DCHS2: variants seen among roughly 807,000 people sequenced by gnomAD.
DCHS2 encodes the protein protocadherin-23.
Under a neutral mutation model 182.4 loss-of-function variants are expected in DCHS2, and 142 were observed. The observed-to-expected ratio is 0.78, with a 90% CI of 0.68 to 0.89. The LOEUF is 0.89. DCHS2 is among the 40% of genes least tolerant of loss of function. DCHS2 has a pLI of 0.00. For missense variants in DCHS2, 4,319 were observed against 4,198.6 expected (o/e 1.03, Z -0.79); for synonymous variants, 1,740 against 1,663.3 (o/e 1.05, Z -1.12).
At position 154,232,241 on chromosome 4, in the gene DCHS2, C is replaced by T. The variant is rs1389739725; in HGVS notation, c.*2295G>A. ...TATTGTTTACTTAGGAAAAAAAGCA[C>T]TCTAGTTGAAAGAGCTGACATACGA... is the stretch of plus-strand genomic sequence containing the variant. On this transcript the variant is annotated 3_prime_UTR_variant, in exon 20 of 20. Coordinates refer to ENST00000357232, the MANE Select transcript of DCHS2 (RefSeq NM_001358235.2). 6.6e-6 allele frequency: 1 copy of T among 152,122 alleles called. No homozygotes were observed. 9.4% of individuals were successfully genotyped at this position (152,122 alleles called of 1,614,324 possible).
In DCHS2 at chr4:154,491,291, A is replaced by C. The variant is rs1372617832; in HGVS notation, c.65T>G (p.Leu22Arg). The change falls in exon 1 of 20, where the codon CTC becomes CGC. Residue 22 changes from leucine to arginine, a missense_variant. Transcript: ENST00000357232. ...ATCTCTCCTCCCGGGGAGCAGAAGG[A>C]GCTTCCCGACCGGAGCCCGCCGCTG... ...RQQRRAPVGK[L>R]LLLPGRRDTP... The C allele has an allele frequency of 8.4e-6, 13 of 1,549,048 alleles. No individual in the cohort carries two copies. The highest frequency in any genetic ancestry group is 1.1e-5 in the Non-Finnish European group (13 of 1,145,438).
chr4:154,394,373 G>C (rs77198189), intron 1 of DCHS2, among the ~76,000 whole-genome samples: 1,668 of 152,278 alleles, frequency 0.011, 23 homozygotes, highest in African/African-American at 0.036. Context: ...ACAGGTTTTG[G>C]ACTCTGGTTT....
Position 154,236,817 on chromosome 4 carries a change from T to C in DCHS2, c.7835A>G (p.Lys2612Arg), listed in dbSNP as rs777815604. 3.1e-6 allele frequency: 5 copies of C among 1,614,066 alleles called. No homozygotes were observed. The highest frequency in any genetic ancestry group is 4.2e-6 in the Non-Finnish European group (5 of 1,179,974). Residue 2612 changes from lysine to arginine, a missense_variant, in exon 20 of 20, where the codon AAG becomes AGG. Transcript: ENST00000357232. ...TKFFHSEYPYKQVGYLVLLHS... is the reference protein window; with the variant it reads ...TKFFHSEYPYRQVGYLVLLHS... ...AAGCAACACAAGATAACCGACTTGC[T>C]TATAAGGATATTCTGAATGAAAGAA...
intron 1 of DCHS2, among the ~76,000 whole-genome samples, chr4:154,399,230 A>G (rs1366071735): frequency 2.6e-5 from 4 of 152,200 alleles, no homozygotes; most frequent in South Asian, 4.1e-4. Context: ...AGAACCTTTA[A>G]GAATAATTCA....
intron 1 of DCHS2, among the ~76,000 whole-genome samples, chr4:154,413,219 TAA>T: frequency 6.6e-6 from 1 of 152,306 alleles, no homozygotes. Context: ...TTCCAACTAT[TAA>T]CAATCTATCC....
chr4:154,390,635 T>A (rs1332701753), intron 1 of DCHS2, among the ~76,000 whole-genome samples: 1 of 152,144 alleles, frequency 6.6e-6, no homozygotes, highest in Non-Finnish European at 1.5e-5. Context: ...ACTATATGAC[T>A]TCAAATTCTC....
intron 16 of DCHS2, among the ~76,000 whole-genome samples, chr4:154,252,332 G>A (rs1732409521): frequency 6.6e-6 from 1 of 152,024 alleles, no homozygotes; most frequent in African/African-American, 2.4e-5. Context: ...AAATCTTTTA[G>A]TTATTTTTAA....
At chr4:154,286,151 T>A (rs1734386392) in intron 13 of DCHS2, among the ~76,000 whole-genome samples, 8 of 152,146 alleles carry the variant, frequency 5.3e-5, no homozygotes, top group Admixed American at 5.2e-4. Flanking sequence ...AACCCCCTAA[T>A]GCAGATATGA....
chr4:154,384,039 T>C (rs62331897), intron 1 of DCHS2, among the ~76,000 whole-genome samples: 6,627 of 152,254 alleles, frequency 0.044, 190 homozygotes, highest in South Asian at 0.079. Context: ...CATAGAACTT[T>C]ACATAGAAAA....
chr4:154,356,237 A>G (rs1252823499), intron 3 of DCHS2, among the ~76,000 whole-genome samples: 1 of 152,174 alleles, frequency 6.6e-6, no homozygotes, highest in Non-Finnish European at 1.5e-5. Context: ...AAAAAAATTA[A>G]AAACAAAGAA....
intron 13 of DCHS2, among the ~76,000 whole-genome samples, chr4:154,277,780 C>A (rs2111225492): frequency 6.6e-6 from 1 of 152,218 alleles, no homozygotes; most frequent in East Asian, 1.9e-4. Context: ...GTGGTTCATG[C>A]CTATAATCCC....
At chr4:154,293,403 A>T (rs1183084896) in intron 13 of DCHS2, among the ~76,000 whole-genome samples, 4 of 152,066 alleles carry the variant, frequency 2.6e-5, no homozygotes, top group African/African-American at 9.7e-5. Context: ...GCTGGTGTCA[A>T]ACTCCTGACC....
chr4:154,429,445 C>T (rs1733470390), intron 1 of DCHS2, among the ~76,000 whole-genome samples: 1 of 152,144 alleles, frequency 6.6e-6, no homozygotes, highest in Non-Finnish European at 1.5e-5. Flanking sequence ...AGATAGACTG[C>T]AGACAGGTGT....
chr4:154,304,934 A>G, intron 11 of DCHS2, 56 bp from the exon 12 acceptor site: 2 of 1,538,666 alleles, frequency 1.3e-6, no homozygotes, highest in South Asian at 2.5e-5. Context: ...TACCTAAAAT[A>G]TGTTGTTCTA....
intron 1 of DCHS2, among the ~76,000 whole-genome samples, chr4:154,396,544 G>A (rs1220383103): frequency 1.3e-5 from 2 of 152,098 alleles, no homozygotes; most frequent in Non-Finnish European, 2.9e-5. Flanking sequence ...ATTCAGGAAG[G>A]GAAAGAGTTT....
At chr4:154,246,646 T>C (rs1055997380) in intron 16 of DCHS2, among the ~76,000 whole-genome samples, 5 of 152,078 alleles carry the variant, frequency 3.3e-5, no homozygotes, top group Non-Finnish European at 5.9e-5. Context: ...ATTAATACCT[T>C]GGAGAGATAT....
chr4:154,420,149 G>C (rs556284290), intron 1 of DCHS2, among the ~76,000 whole-genome samples: 1 of 152,140 alleles, frequency 6.6e-6, no homozygotes, highest in South Asian at 2.1e-4. Context: ...TTTAGAGGTA[G>C]ATTTGATGGG....
intron 2 of DCHS2, chr4:154,373,950 C>A: frequency 6.3e-7 from 1 of 1,598,670 alleles, no homozygotes; most frequent in Non-Finnish European, 8.5e-7. Context: ...TCATTCTCTG[C>A]TCATCCTGAA....
chr4:154,276,138 T>C (rs1319911634), intron 13 of DCHS2, among the ~76,000 whole-genome samples: 3 of 152,146 alleles, frequency 2.0e-5, no homozygotes, highest in Non-Finnish European at 4.4e-5. Context: ...TCTGGGCATA[T>C]AGATGAAACT....
Sources: gnomAD v4.1 joint callset for allele counts (sites outside exome capture counted in the v4.1 genomes callset) on GRCh38, gnomAD v4.1.1 for gene constraint, MANE v1.5 for transcripts, NCBI Gene and HGNC (gene_info 2026-07-23, HGNC 2026-07-21) for gene names.